The following PAK1 variants were observed in gnomAD, a reference collection of about 807,000 sequenced individuals.
PAK1 encodes serine/threonine-protein kinase PAK 1.
PAK1 carries 29 observed loss-of-function variants against 67.4 expected under a neutral mutation model. The observed-to-expected ratio is 0.43, with a 90% CI of 0.32 to 0.59. The LOEUF (loss-of-function observed/expected upper bound fraction) is 0.59. Ranked by LOEUF, PAK1 falls within the 20% of genes least tolerant of loss-of-function variation. The pLI is 0.07. For synonymous variants in PAK1, 223 were observed against 237.4 expected, an observed-to-expected ratio of 0.94 and a Z score of 0.56; for missense variants, 337 against 670.7, an observed-to-expected ratio of 0.50 and a Z score of 5.50.
At chr11:77,454,670 G>A (rs1020095476) in intron 1 of PAK1, among the ~76,000 whole-genome samples, 4 of 152,138 alleles carry the variant, frequency 2.6e-5, no homozygotes, top group African/African-American at 9.7e-5. Flanking sequence ...AGTCTGAGAT[G>A]TGGCTCCAGA....
chr11:77,340,847 C>A, intron 10 of PAK1, 84 bp from the exon 11 acceptor site: 1 of 804,962 alleles, frequency 1.2e-6, no homozygotes. Flanking sequence ...TAAGCATATA[C>A]ACAGAGTGAA....
At chr11:77,430,879 G>A (rs1273119879) in intron 1 of PAK1, among the ~76,000 whole-genome samples, 1 of 152,204 alleles carries the variant, frequency 6.6e-6, no homozygotes, top group African/African-American at 2.4e-5. Context: ...TGGCCTGTTA[G>A]GAACTGGGCC....
At chr11:77,358,534 C>CTG (rs2136576061) in intron 6 of PAK1, among the ~76,000 whole-genome samples, 1 of 152,252 alleles carries the variant, frequency 6.6e-6, no homozygotes, top group African/African-American at 2.4e-5. Context: ...AAGAAAAGAT[C>CTG]TGTAGCAAGA....
chr11:77,413,118 T>C (rs1256687914), intron 1 of PAK1, among the ~76,000 whole-genome samples: 3 of 152,228 alleles, frequency 2.0e-5, no homozygotes, highest in African/African-American at 7.2e-5. Flanking sequence ...ATGCGGTGTC[T>C]CTTTCGGGTC....
chr11:77,407,029 T>C (rs561808183), intron 1 of PAK1, among the ~76,000 whole-genome samples: 1 of 152,280 alleles, frequency 6.6e-6, no homozygotes, highest in African/African-American at 2.4e-5. Flanking sequence ...ACGTGCCTAC[T>C]ATATAATTAT....
At chr11:77,385,700 T>G (rs775148237) in intron 2 of PAK1, among the ~76,000 whole-genome samples, 1 of 151,896 alleles carries the variant, frequency 6.6e-6, no homozygotes, top group Non-Finnish European at 1.5e-5. Flanking sequence ...TACTAAAAAA[T>G]ACAAAAATTA....
At chr11:77,347,210 TCTCACACAGCCAGC>T (rs998767769) in intron 9 of PAK1, 1 of 398,958 alleles carries the variant, frequency 2.5e-6, no homozygotes, top group Non-Finnish European at 5.0e-6. Context: ...CTGGCCAGCT[TCTCACACAGCCAGC>T]CTCCAGGGCT....
chr11:77,369,137 G>C (rs777106100), intron 5 of PAK1, among the ~76,000 whole-genome samples: 1 of 151,990 alleles, frequency 6.6e-6, no homozygotes, highest in Non-Finnish European at 1.5e-5. Context: ...TGTTCCTTTG[G>C]ACATGAACTA....
chr11:77,376,736 C>CAA lies in PAK1; in HGVS notation c.440-2373_440-2372dup, dbSNP rs35882567. Reference sequence around the variant, plus strand: ...TGGGTGACAGAGTGAGACTCCATCTCAAAAAAAAAAAAAAAAAAATTAAGT... The same window carrying CAA: ...TGGGTGACAGAGTGAGACTCCATCTCAAAAAAAAAAAAAAAAAAAAATTAAGT... On this transcript the variant is annotated intron_variant, in intron 4 of 14. Coordinates refer to ENST00000356341, the MANE Select transcript of PAK1 (RefSeq NM_002576.5). Among the ~76,000 whole-genome samples the CAA allele has an allele frequency of 3.3e-3, 246 of 75,078 alleles. 4 individuals are homozygous for CAA. The highest frequency in any genetic ancestry group is 7.8e-3 in the African/African-American group (125 of 16,056). 49.3% of individuals were successfully genotyped at this position (75,078 alleles called of 152,430 possible). A position where few individuals can be genotyped will look rare whatever the true frequency, so the allele number is the denominator to read the frequency against.
intron 1 of PAK1, among the ~76,000 whole-genome samples, chr11:77,457,537 C>T (rs941020719): frequency 6.6e-6 from 1 of 152,136 alleles, no homozygotes; most frequent in African/African-American, 2.4e-5. Flanking sequence ...AGCTGTAGCA[C>T]AAACCTCCAG....
intron 1 of PAK1, among the ~76,000 whole-genome samples, chr11:77,470,232 G>A (rs976503619): frequency 6.6e-6 from 1 of 152,128 alleles, no homozygotes; most frequent in Non-Finnish European, 1.5e-5. Context: ...CAAAGCCCAT[G>A]ACCTCTTAAA....
the PAK1 span, among the ~76,000 whole-genome samples, chr11:77,529,689 G>C: frequency 6.6e-6 from 1 of 152,118 alleles, no homozygotes; most frequent in Non-Finnish European, 1.5e-5. Context: ...ACAGAATCAG[G>C]GACAGCATCT....
chr11:77,380,372 A>C (rs1592100398), intron 2 of PAK1, among the ~76,000 whole-genome samples: 1 of 152,206 alleles, frequency 6.6e-6, no homozygotes, highest in African/African-American at 2.4e-5. Flanking sequence ...GCATGCCTGT[A>C]ATGCCAGCTA....
chr11:77,486,432 G>A, the PAK1 span, among the ~76,000 whole-genome samples: 1 of 152,054 alleles, frequency 6.6e-6, no homozygotes, highest in African/African-American at 2.4e-5. Flanking sequence ...ACACCAAATT[G>A]AACAACTATT....
chr11:77,500,511 C>T, the PAK1 span, among the ~76,000 whole-genome samples: 1 of 152,058 alleles, frequency 6.6e-6, no homozygotes, highest in Non-Finnish European at 1.5e-5. Context: ...GGATTCCTCC[C>T]TCCAATTCCA....
At chr11:77,498,078 T>C in the PAK1 span, among the ~76,000 whole-genome samples, 1 of 152,186 alleles carries the variant, frequency 6.6e-6, no homozygotes, top group Non-Finnish European at 1.5e-5. Flanking sequence ...TGTAATGTGG[T>C]ATTCTGGAAA....
At chr11:77,517,465 A>G in the PAK1 span, among the ~76,000 whole-genome samples, 1 of 152,232 alleles carries the variant, frequency 6.6e-6, no homozygotes, top group Non-Finnish European at 1.5e-5. Context: ...AGGGATGCTG[A>G]GCAGGCAAAA....
chr11:77,386,207 C>T (rs1378350281), intron 2 of PAK1, among the ~76,000 whole-genome samples: 1 of 152,178 alleles, frequency 6.6e-6, no homozygotes. Context: ...CAGCACAAAT[C>T]ACTGGCCTTT....
chr11:77,524,960 C>T, the PAK1 span, among the ~76,000 whole-genome samples: 18 of 152,096 alleles, frequency 1.2e-4, no homozygotes, highest in Admixed American at 2.6e-4. Flanking sequence ...TGATCCTGGA[C>T]TTACAAACAA....
Sources: gnomAD v4.1 joint callset for allele counts (sites outside exome capture counted in the v4.1 genomes callset) on GRCh38, gnomAD v4.1.1 for gene constraint, MANE v1.5 for transcripts, NCBI Gene and HGNC (gene_info 2026-07-23, HGNC 2026-07-21) for gene names.